Variants in ARHGEF18 observed in about 807,000 individuals in gnomAD.
ARHGEF18 encodes the protein Rho/Rac guanine nucleotide exchange factor 18.
Under a neutral mutation model 155.7 loss-of-function variants are expected in ARHGEF18, and 93 were observed. The ratio of observed to expected loss-of-function variants is 0.60; its 90% CI spans 0.50 to 0.71. The LOEUF (loss-of-function observed/expected upper bound fraction) is 0.71, where lower values mean the gene tolerates loss of function less well. Ranked by LOEUF, ARHGEF18 falls within the 30% of genes least tolerant of loss-of-function variation. The probability of loss-of-function intolerance (pLI) is 0.00; values close to 1 mark genes in which losing one functional copy is unlikely to be tolerated. For synonymous variants in ARHGEF18, 742 were observed against 753.1 expected (o/e 0.99, Z 0.24); for missense variants, 1,593 against 1,816.1 (o/e 0.88, Z 2.23).
chr19:7,401,754 A>G (rs1343344988), intron 10 of ARHGEF18, among the ~76,000 whole-genome samples: 1 of 152,198 alleles, frequency 6.6e-6, no homozygotes, highest in East Asian at 1.9e-4. Flanking sequence ...ATGAAAACAT[A>G]GGTCTACACA....
chr19:7,377,733 A>G (rs902910072), intron 5 of ARHGEF18, among the ~76,000 whole-genome samples: 1 of 147,604 alleles, frequency 6.8e-6, no homozygotes, highest in Admixed American at 6.8e-5. Flanking sequence ...GGCTGCAGTG[A>G]GTTCTGATGG....
intron 10 of ARHGEF18, among the ~76,000 whole-genome samples, chr19:7,385,937 CCCCT>C (rs1971036204): frequency 1.3e-5 from 1 of 76,108 alleles, no homozygotes; most frequent in African/African-American, 6.5e-5. Context: ...TCTCTCTCTC[CCCCT>C]CTCCCTCTCT....
chr19:7,479,920 T>C, the ARHGEF18 span, among the ~76,000 whole-genome samples: 1 of 151,982 alleles, frequency 6.6e-6, no homozygotes, highest in Non-Finnish European at 1.5e-5. Flanking sequence ...ATATGGGAGC[T>C]CTCTGAACGT....
At chr19:7,432,457 T>G (rs940376198) in intron 10 of ARHGEF18, among the ~76,000 whole-genome samples, 2 of 152,168 alleles carry the variant, frequency 1.3e-5, no homozygotes, top group Admixed American at 1.3e-4. Flanking sequence ...GCTTGTCTGG[T>G]TCACTTGTTT....
At chr19:7,385,833 ATCTCTCTCTCTCTCTCTC>A (rs762196307) in intron 10 of ARHGEF18, among the ~76,000 whole-genome samples, 2 of 51,976 alleles carry the variant, frequency 3.8e-5, no homozygotes, top group Admixed American at 2.7e-4. Context: ...ATCTCTCTCT[ATCTCTCTCTCTCTCTCTC>A]TCTCTCTCTC....
chr19:7,398,931 C>G (rs1197432244), intron 10 of ARHGEF18, among the ~76,000 whole-genome samples: 2 of 152,192 alleles, frequency 1.3e-5, no homozygotes, highest in Non-Finnish European at 2.9e-5. Flanking sequence ...GGGTGTTTAC[C>G]TAGCACATGT....
intron 2 of ARHGEF18, 57 bp downstream of exon 2, chr19:7,362,962 C>T (rs562178092): frequency 1.6e-6 from 2 of 1,234,232 alleles, no homozygotes; most frequent in Non-Finnish European, 1.0e-6. Context: ...GCAGCAAGTA[C>T]ACTTTGTTTA....
At chr19:7,355,784 G>T in intron 1 of ARHGEF18, 1 of 919,622 alleles carries the variant, frequency 1.1e-6, no homozygotes. Flanking sequence ...CCCCCTTCGA[G>T]CTTTTTCTTG....
At position 7,464,442 on chromosome 19, in the gene ARHGEF18, G is replaced by A. The variant is rs931223862; in HGVS notation, c.2774-118G>A. ...TCCAGCAGGCGTCTGTGCTGCAGAC[G>A]CCACCATTCGGGCCTAGCCTGGGTT... On this transcript the variant is annotated intron_variant, in intron 22 of 28. Coordinates refer to ENST00000668164, the MANE Select transcript of ARHGEF18 (RefSeq NM_001367823.1). 21 of 1,295,770 alleles carry A rather than the reference G, an allele frequency of 1.6e-5. No individual in the cohort carries two copies. The African/African-American group carries it at 1.6e-4, about 10-fold the overall frequency. The allele number at this position is 1,295,770 out of a possible 1,614,324, so 80.3% of individuals were successfully genotyped here. A position where few individuals can be genotyped will look rare whatever the true frequency, so the allele number is the denominator to read the frequency against.
At chr19:7,468,274 G>A (rs1976789709) in intron 26 of ARHGEF18, among the ~76,000 whole-genome samples, 1 of 149,568 alleles carries the variant, frequency 6.7e-6, no homozygotes, top group South Asian at 2.1e-4. Flanking sequence ...AAATGAAGCT[G>A]GGTGCCATGG....
Position 7,470,343 on chromosome 19 carries a change from C to A in ARHGEF18, c.*45C>A. ...GCAAGGCCCCTCCCTGCCCTGCCCACCCTTCCTGCTCTCTGGGGACCCCCA... is the reference window on the plus strand; with the variant it reads ...GCAAGGCCCCTCCCTGCCCTGCCCAACCTTCCTGCTCTCTGGGGACCCCCA... On this transcript the variant is annotated 3_prime_UTR_variant, in exon 29 of 29. Coordinates refer to ENST00000668164, the MANE Select transcript of ARHGEF18 (RefSeq NM_001367823.1). The surrounding 1 kb of genome is among the most constrained non-coding windows in gnomAD (Gnocchi z 5.9). 1.4e-6 allele frequency: 2 copies of A among 1,425,228 alleles called. No individual in the cohort carries two copies. Among genetic ancestry groups the A allele is most frequent in the Admixed American group, 2.7e-5 (1 of 36,954 alleles). The allele number at this position is 1,425,228 out of a possible 1,614,324, so 88.3% of individuals were successfully genotyped here. A position where few individuals can be genotyped will look rare whatever the true frequency, so the allele number is the denominator to read the frequency against.
At chr19:7,464,252 G>A (rs960846736) in intron 22 of ARHGEF18, among the ~76,000 whole-genome samples, 2 of 152,108 alleles carry the variant, frequency 1.3e-5, no homozygotes, top group Admixed American at 1.3e-4. Context: ...TGGCCAGGCT[G>A]GTCTCGAACT....
intron 16 of ARHGEF18, 74 bp from the exon 17 acceptor site, chr19:7,453,393 A>G: frequency 2.0e-6 from 3 of 1,510,746 alleles, no homozygotes; most frequent in South Asian, 1.4e-5. Context: ...CCACATGTCC[A>G]TACATAGTGA....
At chr19:7,363,212 G>A (rs144258115) in intron 2 of ARHGEF18, among the ~76,000 whole-genome samples, 1 of 152,058 alleles carries the variant, frequency 6.6e-6, no homozygotes, top group African/African-American at 2.4e-5. Flanking sequence ...GGAAAGATGA[G>A]TAGAAGGATG....
intron 13 of ARHGEF18, 68 bp downstream of exon 13, chr19:7,442,120 C>T (rs1377098774): frequency 1.4e-6 from 2 of 1,452,756 alleles, no homozygotes; most frequent in Non-Finnish European, 1.9e-6. Context: ...CTCCCTTCCT[C>T]CCTCCCTTCC....
At chr19:7,419,361 G>A (rs9329378) in intron 10 of ARHGEF18, among the ~76,000 whole-genome samples, 17,408 of 130,292 alleles carry the variant, frequency 0.13, 2,545 homozygotes, top group African/African-American at 0.38. Context: ...CCCCAGATGC[G>A]CCCACACTTG....
intron 2 of ARHGEF18, among the ~76,000 whole-genome samples, chr19:7,364,567 G>T (rs963486461): frequency 1.3e-5 from 2 of 152,120 alleles, no homozygotes; most frequent in Non-Finnish European, 2.9e-5. Context: ...GGGGCCTGTG[G>T]GGTAGGCCAG....
chr19:7,393,581 G>A (rs1447430776), intron 10 of ARHGEF18, among the ~76,000 whole-genome samples: 3 of 151,972 alleles, frequency 2.0e-5, no homozygotes, highest in African/African-American at 7.2e-5. Flanking sequence ...CCTGGTTACT[G>A]TTCAACTGCC....
Position 7,361,994 on chromosome 19 carries a change from A to C in ARHGEF18, c.-110-787A>C, listed in dbSNP as rs1000074795. ...GGGCAACAGAGCAAGACTCTGTGGA[A>C]GAAGAAGAAGAAGAAGAAGAAGGAG... On this transcript the variant is annotated intron_variant, in intron 1 of 28. Coordinates refer to ENST00000668164, the MANE Select transcript of ARHGEF18 (RefSeq NM_001367823.1). Among the ~76,000 whole-genome samples the C allele has an allele frequency of 4.5e-3, 193 of 43,212 alleles. 40 individuals carry two copies. The highest frequency in any genetic ancestry group is 0.036 in the African/African-American group (188 of 5,198). The allele number at this position is 43,212 out of a possible 152,430, so 28.3% of individuals were successfully genotyped here. A position where few individuals can be genotyped will look rare whatever the true frequency, so the allele number is the denominator to read the frequency against.
Sources: allele counts gnomAD v4.1 joint callset (sites outside exome capture counted in the v4.1 genomes callset), GRCh38; gene constraint gnomAD v4.1.1; non-coding constraint Gnocchi (gnomAD v3.1); transcripts MANE v1.5; gene names NCBI Gene and HGNC (gene_info 2026-07-23, HGNC 2026-07-21).